Variants in SUN3 observed in about 807,000 individuals in gnomAD.
The protein encoded by SUN3 is SUN domain-containing protein 3.
Under a neutral mutation model 48.2 loss-of-function variants are expected in SUN3, and 36 were observed. That is an observed-to-expected ratio of 0.75 (90% CI 0.57 to 0.99). The LOEUF (loss-of-function observed/expected upper bound fraction) is 0.99. Ranked by LOEUF, SUN3 falls within the 50% of genes least tolerant of loss-of-function variation. The pLI is 0.00. For synonymous variants in SUN3, 148 were observed against 147.9 expected, an observed-to-expected ratio of 1.00 and a Z score of 0.00; for missense variants, 419 against 433.1, an observed-to-expected ratio of 0.97 and a Z score of 0.29.
At chr7:48,028,752 C>T in intron 1 of SUN3, 65 bp downstream of exon 1, 1 of 1,581,460 alleles carries the variant, frequency 6.3e-7, no homozygotes, top group Non-Finnish European at 8.6e-7. Context: ...TGAACAGACA[C>T]AAGTGACAGA....
intron 9 of SUN3, 73 bp downstream of exon 9, chr7:47,988,715 T>G: frequency 1.1e-6 from 1 of 874,552 alleles, no homozygotes; most frequent in Non-Finnish European, 1.8e-6. Context: ...ATACGTCACT[T>G]TACATGAAGC....
At position 47,994,337 on chromosome 7, in the gene SUN3, G is replaced by GC; in HGVS notation, c.838dup (p.Ala280GlyfsTer15). 1 of 1,613,360 alleles carries GC rather than the reference G, an allele frequency of 6.2e-7. No homozygotes were observed. The highest frequency in any genetic ancestry group is 8.5e-7 in the Non-Finnish European group (1 of 1,179,772). On this transcript the variant is annotated frameshift_variant, in exon 8 of 10. Coordinates refer to ENST00000297325, the MANE Select transcript of SUN3 (RefSeq NM_001030019.2). LOFTEE classifies it high-confidence loss of function. Reference sequence around the variant, plus strand: ...TACATAGACAGAAAATTCCTTGGGTGCACTGGAGATGTTTCCTGACGGAGA... The same window carrying GC: ...TACATAGACAGAAAATTCCTTGGGTGCCACTGGAGATGTTTCCTGACGGAGA...
At chr7:48,025,252 A>C (rs76167139) in intron 2 of SUN3, among the ~76,000 whole-genome samples, 4,475 of 152,278 alleles carry the variant, frequency 0.029, 221 homozygotes, top group African/African-American at 0.1. Context: ...CTGACACATG[A>C]TAGGATATGG....
At chr7:48,015,219 T>C (rs533487090) in intron 3 of SUN3, among the ~76,000 whole-genome samples, 32 of 152,270 alleles carry the variant, frequency 2.1e-4, no homozygotes, top group Admixed American at 4.6e-4. Flanking sequence ...CAGCTTCAGC[T>C]CCCATGGGCT....
chr7:48,009,145 A>G, intron 3 of SUN3, 70 bp from the exon 4 acceptor site: 1 of 1,474,536 alleles, frequency 6.8e-7, no homozygotes, highest in Non-Finnish European at 9.3e-7. Flanking sequence ...TTTTTTTCTC[A>G]GAAAAGGGAA....
At position 48,028,479 on chromosome 7, in the gene SUN3, C is replaced by CAA. The variant is rs55997019; in HGVS notation, c.122+336_122+337dup. 1.9e-3 allele frequency among the ~76,000 whole-genome samples: 84 copies of CAA among 45,256 alleles called. 6 individuals are homozygous for CAA. The highest frequency in any genetic ancestry group is 7.3e-3 in the African/African-American group (65 of 8,928). The allele number at this position is 45,256 out of a possible 152,430, so 29.7% of individuals were successfully genotyped here. On this transcript the variant is annotated intron_variant, in intron 1 of 9. Transcript: ENST00000297325. ...AAGACTATACAAGCTAGCCCAATGA[C>CAA]AAAAAAAAAAAAAAAAAAAAAAAAA... is the stretch of plus-strand genomic sequence containing the variant.
At chr7:48,027,286 T>C (rs898515731) in intron 1 of SUN3, among the ~76,000 whole-genome samples, 46 of 152,232 alleles carry the variant, frequency 3.0e-4, no homozygotes, top group African/African-American at 1.0e-3. Flanking sequence ...CAGTTATAAA[T>C]ATTACTACAA....
At chr7:48,004,597 G>A (rs1789473363) in intron 6 of SUN3, among the ~76,000 whole-genome samples, 1 of 152,238 alleles carries the variant, frequency 6.6e-6, no homozygotes, top group Non-Finnish European at 1.5e-5. Context: ...AACAGACAGG[G>A]GAGCAGGCGT....
At chr7:48,018,023 A>G (rs1246692028) in intron 2 of SUN3, among the ~76,000 whole-genome samples, 3 of 152,206 alleles carry the variant, frequency 2.0e-5, no homozygotes, top group Non-Finnish European at 4.4e-5. Flanking sequence ...CTGCTGCATC[A>G]TATACTAGGA....
At position 48,007,163 on chromosome 7, in the gene SUN3, A is replaced by T; in HGVS notation, c.492+2T>A. On this transcript the variant is annotated splice_donor_variant, in intron 5 of 9. Transcript: ENST00000297325. LOFTEE classifies it high-confidence loss of function. ...CCCAACCCGCCTAGCCTCATCCAGG[A>T]CCTCTGTGTGGTCCGGGTCCTCCAC... The T allele has an allele frequency of 6.4e-7, 1 of 1,570,372 alleles. No homozygotes were observed. The highest frequency in any genetic ancestry group is 2.3e-5 in the East Asian group (1 of 43,460).
intron 3 of SUN3, among the ~76,000 whole-genome samples, chr7:48,010,273 G>A (rs1257963300): frequency 6.6e-6 from 1 of 152,130 alleles, no homozygotes; most frequent in East Asian, 1.9e-4. Flanking sequence ...GCACCTTGGG[G>A]CACCAATCTT....
chr7:47,994,979 G>A (rs550938875), intron 7 of SUN3, among the ~76,000 whole-genome samples: 51 of 152,176 alleles, frequency 3.4e-4, no homozygotes, highest in African/African-American at 1.2e-3. Context: ...GGTGATAATT[G>A]AAGTGGTAGT....
intron 2 of SUN3, among the ~76,000 whole-genome samples, chr7:48,022,191 C>T (rs192873987): frequency 6.6e-6 from 1 of 152,116 alleles, no homozygotes; most frequent in African/African-American, 2.4e-5. Flanking sequence ...CACATGTTCT[C>T]AATTATTTGT....
At chr7:47,996,802 C>CG (rs1789225021) in intron 6 of SUN3, among the ~76,000 whole-genome samples, 1 of 135,352 alleles carries the variant, frequency 7.4e-6, no homozygotes, top group African/African-American at 2.7e-5. Context: ...TTCTTTCCTT[C>CG]TTTTTTTTTT....
chr7:47,996,851 G>T (rs1291953939), intron 6 of SUN3, among the ~76,000 whole-genome samples: 2 of 148,546 alleles, frequency 1.3e-5, no homozygotes, highest in African/African-American at 5.0e-5. Context: ...CGCCAGGCTG[G>T]AGTGCAGTGG....
At position 48,019,288 on chromosome 7, in the gene SUN3, C is replaced by T. The variant is rs182348824; in HGVS notation, c.185-1923G>A. On this transcript the variant is annotated intron_variant, in intron 2 of 9. Transcript: ENST00000297325. The stretch of plus-strand genomic sequence containing the variant: ...AGAAATAAATAAAACCTATGGGATA[C>T]AGCAAAAGCAGTACTAAGAGGGAAG... Among the ~76,000 whole-genome samples, 355 of 152,108 alleles carry T rather than the reference C, an allele frequency of 2.3e-3. 1 individual carries two copies. Among genetic ancestry groups the T allele is most frequent in the Middle Eastern group, 0.01 (3 of 294 alleles).
chr7:48,010,639 C>G (rs1789658396), intron 3 of SUN3, among the ~76,000 whole-genome samples: 1 of 152,154 alleles, frequency 6.6e-6, no homozygotes. Context: ...TTTGTCTCAT[C>G]CACATACTCT....
chr7:48,015,836 G>A (rs1479647283), intron 3 of SUN3, among the ~76,000 whole-genome samples: 1 of 152,176 alleles, frequency 6.6e-6, no homozygotes, highest in Non-Finnish European at 1.5e-5. Context: ...CCTGGGAGTA[G>A]GCCAAACTAA....
Position 47,988,878 on chromosome 7 carries a change from G to T in SUN3, c.864C>A (p.Gly288=). The stretch of plus-strand genomic sequence containing the variant: ...CTTCTCCTTCACATTTTTTTGTGAT[G>T]CCCTATAAAGAAAGCAACAGATATA... The part of the protein sequence containing the change: ...SSAPKEFSVY[G]ITKKCEGEEI... The change falls in exon 9 of 10, where the codon GGC becomes GGA. Residue 288 remains glycine (G), a splice_region_variant and synonymous_variant. Transcript: ENST00000297325. 1.3e-6 allele frequency: 2 copies of T among 1,578,692 alleles called. No homozygotes were observed. Among genetic ancestry groups the T allele is most frequent in the Non-Finnish European group, 1.7e-6 (2 of 1,153,186 alleles).
Sources: gnomAD v4.1 joint callset for allele counts (sites outside exome capture counted in the v4.1 genomes callset) on GRCh38, gnomAD v4.1.1 for gene constraint, MANE v1.5 for transcripts, NCBI Gene and HGNC (gene_info 2026-07-23, HGNC 2026-07-21) for gene names.